SLC30A9: variants seen among roughly 807,000 people sequenced by gnomAD.
SLC30A9 encodes the protein proton-coupled zinc antiporter SLC30A9, mitochondrial.
Under a neutral mutation model 87.5 loss-of-function variants are expected in SLC30A9, and 58 were observed. The observed-to-expected ratio is 0.66, with a 90% CI of 0.54 to 0.82. The LOEUF (loss-of-function observed/expected upper bound fraction) is 0.82, where lower values mean the gene tolerates loss of function less well. Ranked by LOEUF, SLC30A9 falls within the 40% of genes least tolerant of loss-of-function variation. SLC30A9 has a pLI of 0.00. For missense variants in SLC30A9, 557 were observed against 679.1 expected (o/e 0.82, Z 2.00); for synonymous variants, 234 against 233.0 (o/e 1.00, Z -0.04).
At chr4:41,995,306 A>G (rs1300376628) in intron 1 of SLC30A9, among the ~76,000 whole-genome samples, 5 of 152,316 alleles carry the variant, frequency 3.3e-5, no homozygotes, top group South Asian at 2.1e-4. Context: ...GGAAGATTCT[A>G]TGCAGATCAA....
chr4:42,062,646 T>C (rs1359129038), intron 10 of SLC30A9, among the ~76,000 whole-genome samples: 2 of 152,216 alleles, frequency 1.3e-5, no homozygotes, highest in African/African-American at 2.4e-5. Flanking sequence ...TTAAATGTTA[T>C]CCTGTTCATT....
At chr4:42,033,863 C>T (rs1200625943) in intron 6 of SLC30A9, among the ~76,000 whole-genome samples, 3 of 152,178 alleles carry the variant, frequency 2.0e-5, no homozygotes, top group African/African-American at 4.8e-5. Flanking sequence ...GCATGAGCCA[C>T]CGTGCCCGGC....
At chr4:42,014,090 AAAG>A (rs1199214480) in intron 2 of SLC30A9, among the ~76,000 whole-genome samples, 1 of 152,236 alleles carries the variant, frequency 6.6e-6, no homozygotes, top group Non-Finnish European at 1.5e-5. Context: ...GACGTTTTCA[AAAG>A]AAGACATGCA....
chr4:42,066,554 A>G lies in SLC30A9; in HGVS notation c.1077A>G (p.Thr359=). ...ATATGAATGCTTTTCTTTTAGCAAC[A>G]CTTCTTGTTGCTGTAAATGAACTTC... is the stretch of plus-strand genomic sequence containing the variant. ...LAGSLVSEGA[T]LLVAVNELRR... is the part of the protein sequence containing the mutation. The change falls in exon 13 of 18, where the codon ACA becomes ACG. Residue 359 remains threonine (T), a synonymous_variant. Coordinates refer to ENST00000264451, the MANE Select transcript of SLC30A9 (RefSeq NM_006345.4). 6.3e-7 allele frequency: 1 copy of G among 1,599,504 alleles called. No individual in the cohort carries two copies. Among genetic ancestry groups the G allele is most frequent in the Non-Finnish European group, 8.5e-7 (1 of 1,170,962 alleles).
At chr4:42,073,303 T>C (rs1370067056) in intron 15 of SLC30A9, among the ~76,000 whole-genome samples, 1 of 152,224 alleles carries the variant, frequency 6.6e-6, no homozygotes, top group Non-Finnish European at 1.5e-5. Context: ...TAATTTTGTA[T>C]ATATTGTTTA....
chr4:41,994,313 C>T (rs1487452049), intron 1 of SLC30A9, among the ~76,000 whole-genome samples: 1 of 151,866 alleles, frequency 6.6e-6, no homozygotes, highest in African/African-American at 2.4e-5. Flanking sequence ...TACAAATGAT[C>T]TACAGTACAC....
intron 12 of SLC30A9, 75 bp downstream of exon 12, chr4:42,065,424 C>G: frequency 1.2e-6 from 1 of 856,432 alleles, no homozygotes. Flanking sequence ...TTATAGTTTG[C>G]TAAGTTCTGT....
chr4:41,999,005 C>T (rs1228965392), intron 1 of SLC30A9, among the ~76,000 whole-genome samples: 3 of 152,068 alleles, frequency 2.0e-5, no homozygotes, highest in African/African-American at 7.2e-5. Context: ...CAAGAAAAAG[C>T]TATCAAAGAT....
intron 17 of SLC30A9, among the ~76,000 whole-genome samples, chr4:42,082,419 T>C (rs1045412550): frequency 6.6e-6 from 1 of 152,204 alleles, no homozygotes; most frequent in Admixed American, 6.5e-5. Context: ...ATTTTTAGTA[T>C]CTCAGTTTAA....
intron 9 of SLC30A9, among the ~76,000 whole-genome samples, chr4:42,054,252 G>A (rs1717509971): frequency 6.6e-6 from 1 of 152,098 alleles, no homozygotes; most frequent in South Asian, 2.1e-4. Context: ...CAGCTACTCA[G>A]GAGATGGAGA....
At chr4:42,062,858 C>A (rs1201162676) in intron 10 of SLC30A9, 128 bp from the exon 11 acceptor site, 2 of 786,202 alleles carry the variant, frequency 2.5e-6, no homozygotes, top group Non-Finnish European at 3.9e-6. Context: ...TGGCACTTAA[C>A]ATCTTACTTA....
intron 9 of SLC30A9, among the ~76,000 whole-genome samples, chr4:42,055,382 T>A (rs887386081): frequency 9.1e-5 from 7 of 76,988 alleles, no homozygotes; most frequent in African/African-American, 1.6e-4. Flanking sequence ...TGTAGTTTTT[T>A]ATTTATTTAT....
At chr4:42,006,220 C>T (rs1715193931) in intron 2 of SLC30A9, among the ~76,000 whole-genome samples, 1 of 152,174 alleles carries the variant, frequency 6.6e-6, no homozygotes, top group Non-Finnish European at 1.5e-5. Flanking sequence ...ATTTTGGTAT[C>T]TACAGGGAGG....
At position 42,068,289 on chromosome 4, in the gene SLC30A9, G is replaced by A. The variant is rs536994331; in HGVS notation, c.1252+1097G>A. Among the ~76,000 whole-genome samples, 3 of 151,018 alleles carry A rather than the reference G, an allele frequency of 2.0e-5. No individual in the cohort carries two copies. The East Asian group carries it at 5.9e-4, about 30-fold the overall frequency. On this transcript the variant is annotated intron_variant, in intron 14 of 17. Coordinates refer to ENST00000264451, the MANE Select transcript of SLC30A9 (RefSeq NM_006345.4). ...ACAGAGTTTTGCTCTTGTTGCCCAGGCTGGAATGCAATGGTGCCATGTCGG... is the reference window on the plus strand; with the variant it reads ...ACAGAGTTTTGCTCTTGTTGCCCAGACTGGAATGCAATGGTGCCATGTCGG...
At chr4:42,069,650 CTT>C (rs1718228730) in intron 14 of SLC30A9, among the ~76,000 whole-genome samples, 1 of 152,112 alleles carries the variant, frequency 6.6e-6, no homozygotes, top group Admixed American at 6.5e-5. Context: ...GATAAAAAGA[CTT>C]GTAGTCATAA....
chr4:42,002,453 T>G (rs1164884557), intron 2 of SLC30A9, among the ~76,000 whole-genome samples: 1 of 151,994 alleles, frequency 6.6e-6, no homozygotes, highest in Non-Finnish European at 1.5e-5. Context: ...TAGTCCCCAT[T>G]GCCTATTTTT....
chr4:42,066,670 A>G, intron 13 of SLC30A9, 49 bp downstream of exon 13: 1 of 1,222,570 alleles, frequency 8.2e-7, no homozygotes, highest in Non-Finnish European at 1.2e-6. Flanking sequence ...TTATTTGCTT[A>G]AAATTACTTA....
chr4:42,048,081 G>A (rs970547105), intron 8 of SLC30A9, among the ~76,000 whole-genome samples: 1 of 151,852 alleles, frequency 6.6e-6, no homozygotes, highest in African/African-American at 2.4e-5. Flanking sequence ...CTATTGGGGG[G>A]TGGGTGGCTA....
rs1444751176 is a variant in SLC30A9, at chr4:42,088,674, A to G, written c.*2548A>G. ...CAGATCTCATGAGAACTCACTATACAGTACCAAGAGGGGAAGGTGCTAAAG... is the reference window on the plus strand; with the variant it reads ...CAGATCTCATGAGAACTCACTATACGGTACCAAGAGGGGAAGGTGCTAAAG... On this transcript the variant is annotated 3_prime_UTR_variant, in exon 18 of 18. Transcript: ENST00000264451. 1.3e-5 allele frequency: 2 copies of G among 152,244 alleles called. No individual in the cohort carries two copies. Among genetic ancestry groups the G allele is most frequent in the Non-Finnish European group, 2.9e-5 (2 of 68,068 alleles). 9.4% of individuals were successfully genotyped at this position (152,244 alleles called of 1,614,324 possible).
Sources: gnomAD v4.1 joint callset for allele counts (sites outside exome capture counted in the v4.1 genomes callset) on GRCh38, gnomAD v4.1.1 for gene constraint, MANE v1.5 for transcripts, NCBI Gene and HGNC (gene_info 2026-07-23, HGNC 2026-07-21) for gene names.